Variants in PBK observed in about 807,000 individuals in gnomAD.
The protein encoded by PBK is lymphokine-activated killer T-cell-originated protein kinase.
Under a neutral mutation model 33.5 loss-of-function variants are expected in PBK, and 22 were observed. The ratio of observed to expected loss-of-function variants is 0.66; its 90% CI spans 0.47 to 0.94. The LOEUF is 0.94. Among genes scored for constraint, PBK ranks in the 40% least tolerant of loss-of-function variants. The probability of loss-of-function intolerance (pLI) is 0.00; values close to 1 mark genes in which losing one functional copy is unlikely to be tolerated. For missense variants in PBK, 376 were observed against 383.4 expected (o/e 0.98, Z 0.16); for synonymous variants, 129 against 123.8 (o/e 1.04, Z -0.28).
chr8:27,817,834 G>T (rs1260060905), intron 6 of PBK, among the ~76,000 whole-genome samples: 2 of 152,086 alleles, frequency 1.3e-5, no homozygotes, highest in African/African-American at 4.8e-5. Flanking sequence ...AACTATCACT[G>T]CAAGACTTTC....
intron 2 of PBK, among the ~76,000 whole-genome samples, chr8:27,832,559 G>A (rs889780978): frequency 1.3e-5 from 2 of 152,094 alleles, no homozygotes; most frequent in Non-Finnish European, 2.9e-5. Context: ...CAGGATACAA[G>A]GTCAATATGA....
Position 27,829,040 on chromosome 8 carries a change from T to C in PBK, c.59-842A>G, listed in dbSNP as rs112485565. ...CACATAATCCAGAAGTCCTGTCACATTGAAGAGACAGAGATCAGAGGTCAA... is the reference window on the plus strand; with the variant it reads ...CACATAATCCAGAAGTCCTGTCACACTGAAGAGACAGAGATCAGAGGTCAA... On this transcript the variant is annotated intron_variant, in intron 2 of 7. Transcript: ENST00000301905. Among the ~76,000 whole-genome samples, 1,508 of 152,176 alleles carry C rather than the reference T, an allele frequency of 9.9e-3. 21 individuals are homozygous for C. Among genetic ancestry groups the C allele is most frequent in the African/African-American group, 0.034 (1,398 of 41,504 alleles).
Position 27,811,123 on chromosome 8 carries a change from C to G in PBK, c.607G>C (p.Glu203Gln). ...GGCTCTGTGCCAATGTAACAAGCCT[C>G]AGGGTCAGTCACTGAAACAAGCAAG... ...LDENMTVTDP[E>Q]ACYIGTEPWK... Residue 203 changes from glutamate (E) to glutamine (Q), a missense_variant, in exon 7 of 8, where the codon GAG becomes CAG. Glu to Gln is a conservative substitution (Grantham distance 29, BLOSUM62 2). Coordinates refer to ENST00000301905, the MANE Select transcript of PBK (RefSeq NM_018492.4). 1 of 1,613,904 alleles carries G rather than the reference C, an allele frequency of 6.2e-7. No homozygotes were observed.
At chr8:27,824,003 T>C (rs1805980471) in intron 3 of PBK, among the ~76,000 whole-genome samples, 1 of 152,040 alleles carries the variant, frequency 6.6e-6, no homozygotes, top group East Asian at 1.9e-4. Flanking sequence ...AAACAAGAGA[T>C]TGAATCAAAG....
At chr8:27,834,122 G>C (rs919475902) in intron 1 of PBK, among the ~76,000 whole-genome samples, 8 of 151,522 alleles carry the variant, frequency 5.3e-5, no homozygotes, top group Non-Finnish European at 1.0e-4. Flanking sequence ...CTGCCTCCCA[G>C]GTTCAAGCAA....
chr8:27,828,191 A>G lies in PBK; in HGVS notation c.66T>C (p.Cys22=). 1 of 1,476,546 alleles carries G rather than the reference A, an allele frequency of 6.8e-7. No individual in the cohort carries two copies. Among genetic ancestry groups the G allele is most frequent in the Non-Finnish European group, 9.4e-7 (1 of 1,065,384 alleles). 91.5% of individuals were successfully genotyped at this position (1,476,546 alleles called of 1,614,324 possible). Residue 22 remains cysteine (C), a synonymous_variant, in exon 3 of 8, where the codon TGT becomes TGC. Transcript: ENST00000301905. ...CCGGGATATTTATAGTTGGAGTTGA[A>G]CATAATACTAAATGTCAGAGAAATA... ...KLSEKKKSVL[C]STPTINIPAS...
intron 1 of PBK, among the ~76,000 whole-genome samples, chr8:27,834,703 G>A (rs1157782858): frequency 6.6e-6 from 1 of 152,164 alleles, no homozygotes; most frequent in Non-Finnish European, 1.5e-5. Flanking sequence ...AGACCAGCCT[G>A]GCCAACATGG....
intron 3 of PBK, among the ~76,000 whole-genome samples, chr8:27,826,446 T>G (rs758946036): frequency 2.6e-5 from 4 of 152,128 alleles, no homozygotes; most frequent in Non-Finnish European, 5.9e-5. Context: ...ATAGGAAATT[T>G]GCAGGTTATG....
In PBK at chr8:27,827,466, G is replaced by C. The variant is rs575779894; in HGVS notation, c.152+639C>G. ...GGAGGCTGAGGCAGGAGAAGCGCTTGAACCTGGGAGGTCGTGCCACTGCAC... is the reference window on the plus strand; with the variant it reads ...GGAGGCTGAGGCAGGAGAAGCGCTTCAACCTGGGAGGTCGTGCCACTGCAC... On this transcript the variant is annotated intron_variant, in intron 3 of 7. Coordinates refer to ENST00000301905, the MANE Select transcript of PBK (RefSeq NM_018492.4). Among the ~76,000 whole-genome samples, 5 of 152,228 alleles carry C rather than the reference G, an allele frequency of 3.3e-5. No individual in the cohort carries two copies. In the South Asian group the frequency reaches 1.0e-3, roughly 32 times the overall value.
chr8:27,811,169 T>A, intron 6 of PBK, 35 bp from the exon 7 acceptor site: 1 of 1,608,600 alleles, frequency 6.2e-7, no homozygotes, highest in Non-Finnish European at 8.5e-7. Flanking sequence ...AGGCAGGAGC[T>A]ACAAATCACG....
chr8:27,818,589 AAC>A (rs1294199981), intron 6 of PBK, among the ~76,000 whole-genome samples: 9 of 152,200 alleles, frequency 5.9e-5, no homozygotes, highest in African/African-American at 1.9e-4. Context: ...TTCATTTCTC[AAC>A]AGTCTCTTCA....
intron 6 of PBK, 131 bp downstream of exon 6, chr8:27,820,434 A>AG (rs1442645125): frequency 1.1e-4 from 65 of 594,382 alleles, no homozygotes; most frequent in Non-Finnish European, 1.6e-4. Context: ...GGAGAGAGAG[A>AG]AAAAAAGGGG....
At chr8:27,837,094 A>C (rs1806241050) in intron 1 of PBK, among the ~76,000 whole-genome samples, 1 of 152,260 alleles carries the variant, frequency 6.6e-6, no homozygotes, top group Admixed American at 6.5e-5. Flanking sequence ...ATTTAGATGA[A>C]GATAAATTAG....
At chr8:27,816,875 G>T (rs756072303) in intron 6 of PBK, among the ~76,000 whole-genome samples, 1 of 151,660 alleles carries the variant, frequency 6.6e-6, no homozygotes. Context: ...GTATTCTATT[G>T]TGTGGTAGTA....
At chr8:27,815,629 T>C (rs1805796180) in intron 6 of PBK, among the ~76,000 whole-genome samples, 1 of 152,194 alleles carries the variant, frequency 6.6e-6, no homozygotes, top group Non-Finnish European at 1.5e-5. Context: ...TGTGTACACA[T>C]ACATTCTAAG....
chr8:27,812,736 T>C (rs1805717375), intron 6 of PBK: 1 of 151,972 alleles, frequency 6.6e-6, no homozygotes, highest in South Asian at 2.1e-4. Context: ...TCATCACTGG[T>C]CATCAAAGAA....
At chr8:27,811,217 T>C (rs1805675829) in intron 6 of PBK, 83 bp from the exon 7 acceptor site, 1 of 1,158,422 alleles carries the variant, frequency 8.6e-7, no homozygotes, top group Admixed American at 1.8e-5. Context: ...GGCGAACGAT[T>C]TGAACAAGTA....
intron 6 of PBK, among the ~76,000 whole-genome samples, chr8:27,812,940 T>C (rs145689312): frequency 0.058 from 8,821 of 152,276 alleles, 351 homozygotes; most frequent in Non-Finnish European, 0.087. Context: ...GAACTAGAAA[T>C]ACCATTTGAC....
chr8:27,823,330 G>C (rs1805966906), intron 3 of PBK, 125 bp from the exon 4 acceptor site: 1 of 610,556 alleles, frequency 1.6e-6, no homozygotes. Context: ...ATTTAAAATA[G>C]TTTGGACTAT....
Sources: allele counts gnomAD v4.1 joint callset (sites outside exome capture counted in the v4.1 genomes callset), GRCh38; gene constraint gnomAD v4.1.1; transcripts MANE v1.5; gene names NCBI Gene and HGNC (gene_info 2026-07-23, HGNC 2026-07-21).